Variants in PRDM16 observed in about 807,000 individuals in gnomAD.
PRDM16 encodes the protein histone-lysine N-methyltransferase PRDM16.
Under a neutral mutation model 110.6 loss-of-function variants are expected in PRDM16, and 23 were observed. The observed-to-expected ratio is 0.21, with a 90% CI of 0.15 to 0.29. The LOEUF (loss-of-function observed/expected upper bound fraction) is 0.29. PRDM16 is among the 10% of genes least tolerant of loss of function. PRDM16 has a pLI of 1.00. For missense variants in PRDM16, 1,615 were observed against 1,794.3 expected, an observed-to-expected ratio of 0.90 and a Z score of 1.81; for synonymous variants, 799 against 781.8, an observed-to-expected ratio of 1.02 and a Z score of -0.37.
chr1:3,105,117 G>A (rs1642623984), intron 1 of PRDM16, among the ~76,000 whole-genome samples: 1 of 152,026 alleles, frequency 6.6e-6, no homozygotes. Context: ...GGAGAAGCAG[G>A]GCCATCCCCC....
intron 1 of PRDM16, among the ~76,000 whole-genome samples, chr1:3,177,163 A>T (rs1644100404): frequency 6.6e-6 from 1 of 151,976 alleles, no homozygotes; most frequent in Non-Finnish European, 1.5e-5. Flanking sequence ...TCACTCATCC[A>T]TCTATTCATC....
intron 3 of PRDM16, among the ~76,000 whole-genome samples, chr1:3,332,269 T>C (rs1174503566): frequency 6.6e-6 from 1 of 152,296 alleles, no homozygotes; most frequent in Non-Finnish European, 1.5e-5. Context: ...GAAAATCATC[T>C]ATTAATTGAT....
rs201904042 is a variant in PRDM16, at chr1:3,316,598, C to G, written c.439-68554C>G. On this transcript the variant is annotated intron_variant, in intron 3 of 16. Coordinates refer to ENST00000270722, the MANE Select transcript of PRDM16 (RefSeq NM_022114.4). ...TTGATACAGGGTAGACAGGAAACAG[C>G]GACACAGTGGAGCCAGGAAACAGTG... Among the ~76,000 whole-genome samples, 3 of 151,168 alleles carry G rather than the reference C, an allele frequency of 2.0e-5. No homozygotes were observed. In the Middle Eastern group the frequency reaches 0.01, roughly 514 times the overall value.
chr1:3,337,923 T>G lies in PRDM16; in HGVS notation c.439-47229T>G, dbSNP rs191500412. Among the ~76,000 whole-genome samples, 25 of 152,262 alleles carry G rather than the reference T, an allele frequency of 1.6e-4. No individual in the cohort carries two copies. In the East Asian group the frequency reaches 4.6e-3, roughly 28 times the overall value. On this transcript the variant is annotated intron_variant, in intron 3 of 16. Transcript: ENST00000270722. ...ATGGGCACTTGTGTACACATAGATA[T>G]GCACACAGACACATGTACACACATA...
intron 3 of PRDM16, among the ~76,000 whole-genome samples, chr1:3,284,563 G>A (rs116194159): frequency 0.035 from 5,347 of 152,296 alleles, 137 homozygotes; most frequent in Non-Finnish European, 0.05. Flanking sequence ...GGACCTGCCA[G>A]CAGCCAGAGT....
chr1:3,347,980 C>T (rs745672041), intron 3 of PRDM16, among the ~76,000 whole-genome samples: 7 of 151,992 alleles, frequency 4.6e-5, no homozygotes, highest in African/African-American at 7.3e-5. Context: ...CCTCTGGACA[C>T]GGGGCTGTGC....
chr1:3,426,481 T>C (rs994293208), intron 14 of PRDM16, among the ~76,000 whole-genome samples: 7 of 152,096 alleles, frequency 4.6e-5, no homozygotes, highest in African/African-American at 1.7e-4. Flanking sequence ...TGTTAACATA[T>C]GTGTGTGCAA....
chr1:3,140,175 C>T (rs931396591), intron 1 of PRDM16, among the ~76,000 whole-genome samples: 14 of 152,274 alleles, frequency 9.2e-5, no homozygotes, highest in African/African-American at 1.9e-4. Context: ...CCCGCTCCCC[C>T]GGCGGATGCA....
At chr1:3,288,684 G>A (rs186477236) in intron 3 of PRDM16, among the ~76,000 whole-genome samples, 1 of 152,162 alleles carries the variant, frequency 6.6e-6, no homozygotes, top group Admixed American at 6.5e-5. Context: ...AACCTCCAAG[G>A]TGTAGATAAG....
intron 3 of PRDM16, among the ~76,000 whole-genome samples, chr1:3,351,884 T>G (rs1482227113): frequency 6.6e-6 from 1 of 151,028 alleles, no homozygotes; most frequent in African/African-American, 2.4e-5. Flanking sequence ...TGTCTGTGAC[T>G]TGGTATGGAA....
intron 2 of PRDM16, among the ~76,000 whole-genome samples, chr1:3,202,778 A>G (rs1456284190): frequency 6.6e-6 from 1 of 152,200 alleles, no homozygotes; most frequent in Admixed American, 6.5e-5. Flanking sequence ...AGGCTCACAG[A>G]TGCTGCTGAG....
chr1:3,318,304 G>T (rs1641660030), intron 3 of PRDM16, among the ~76,000 whole-genome samples: 1 of 152,178 alleles, frequency 6.6e-6, no homozygotes, highest in Non-Finnish European at 1.5e-5. Context: ...AACTTGTGAC[G>T]ATTCTTGAGG....
At chr1:3,380,385 A>C (rs1643081685) in intron 3 of PRDM16, among the ~76,000 whole-genome samples, 1 of 151,934 alleles carries the variant, frequency 6.6e-6, no homozygotes. Flanking sequence ...CCCTGTGACT[A>C]TTAAATTGGT....
intron 5 of PRDM16, among the ~76,000 whole-genome samples, chr1:3,400,836 C>G (rs1008777502): frequency 2.0e-5 from 3 of 152,178 alleles, no homozygotes; most frequent in African/African-American, 7.2e-5. Flanking sequence ...TGCCTGCCCA[C>G]TCACCCCCAA....
intron 16 of PRDM16, among the ~76,000 whole-genome samples, chr1:3,432,511 C>T (rs1347994808): frequency 6.6e-6 from 1 of 152,216 alleles, no homozygotes; most frequent in Non-Finnish European, 1.5e-5. Context: ...CCGGGCTTTT[C>T]CCGGGGGAAG....
At position 3,287,600 on chromosome 1, in the gene PRDM16, T is replaced by C. The variant is rs6685444; in HGVS notation, c.438+43463T>C. ...GGATTGCATTTACCGGGGCTGGAGC[T>C]GCCCCTGCCATGCGGGCATCGAGGA... On this transcript the variant is annotated intron_variant, in intron 3 of 16. Transcript: ENST00000270722. Among the ~76,000 whole-genome samples, 355 of 15,650 alleles carry C rather than the reference T, an allele frequency of 0.023. 119 individuals are homozygous for C. The East Asian group carries it at 0.59, about 26-fold the overall frequency. 10.3% of individuals were successfully genotyped at this position (15,650 alleles called of 152,430 possible). A position where few individuals can be genotyped will look rare whatever the true frequency, so the allele number is the denominator to read the frequency against.
At chr1:3,431,620 CT>C (rs1338308123) in intron 15 of PRDM16, among the ~76,000 whole-genome samples, 1 of 133,552 alleles carries the variant, frequency 7.5e-6, no homozygotes, top group Non-Finnish European at 1.7e-5. Flanking sequence ...GATGCTGCCC[CT>C]GAGTCCTGGG....
intron 11 of PRDM16, 29 bp from the exon 12 acceptor site, chr1:3,418,638 C>T: frequency 2.6e-6 from 4 of 1,533,132 alleles, no homozygotes; most frequent in Non-Finnish European, 3.6e-6. Flanking sequence ...CTAATCCTCC[C>T]TCACCCTCCC....
At chr1:3,099,742 A>G (rs935017360) in intron 1 of PRDM16, among the ~76,000 whole-genome samples, 1 of 152,298 alleles carries the variant, frequency 6.6e-6, no homozygotes, top group Admixed American at 6.5e-5. Flanking sequence ...CATGGCAGGT[A>G]TGTTGGAAGA....
Sources: allele counts gnomAD v4.1 joint callset (sites outside exome capture counted in the v4.1 genomes callset), GRCh38; gene constraint gnomAD v4.1.1; transcripts MANE v1.5; gene names NCBI Gene and HGNC (gene_info 2026-07-23, HGNC 2026-07-21).